Variants in GCSH observed in about 807,000 individuals in gnomAD.
GCSH encodes glycine cleavage system protein H, also known as glycine cleavage system H protein, mitochondrial.
GCSH carries 15 observed loss-of-function variants against 21.3 expected under a neutral mutation model. The observed-to-expected ratio is 0.70, with a 90% CI of 0.47 to 1.08. The LOEUF (loss-of-function observed/expected upper bound fraction) is 1.08, where lower values mean the gene tolerates loss of function less well. Ranked by LOEUF, GCSH falls within the 50% of genes least tolerant of loss-of-function variation. The pLI, the probability that GCSH is intolerant of heterozygous loss-of-function variation, is 0.00. For synonymous variants in GCSH, 59 were observed against 84.5 expected (o/e 0.70, Z 1.66); for missense variants, 179 against 217.5 (o/e 0.82, Z 1.11).
intron 3 of GCSH, 33 bp from the exon 4 acceptor site, chr16:81,084,627 A>G: frequency 6.5e-7 from 1 of 1,545,194 alleles, no homozygotes; most frequent in Non-Finnish European, 8.9e-7. Context: ...AAAACATGAA[A>G]TGTTAAAAGT....
chr16:81,096,246 G>T lies in GCSH; in HGVS notation c.33C>A (p.Ala11=). Residue 11 remains alanine (A), a synonymous_variant, in exon 1 of 5, where the codon GCC becomes GCA. Transcript: ENST00000315467. ...GGACCGCGCGCAGGGTGCAGAGCAG[G>T]GCCCGCACGCTCCGCACCACTCGCA... The part of the protein sequence containing the change: MALRVVRSVR[A]LLCTLRAVPS... 1 of 1,070,120 alleles carries T rather than the reference G, an allele frequency of 9.3e-7. No individual in the cohort carries two copies. The highest frequency in any genetic ancestry group is 4.0e-5 in the Admixed American group (1 of 25,104). The allele number at this position is 1,070,120 out of a possible 1,614,324, so 66.3% of individuals were successfully genotyped here. A position where few individuals can be genotyped will look rare whatever the true frequency, so the allele number is the denominator to read the frequency against.
Position 81,087,615 on chromosome 16 carries a change from T to A in GCSH, c.278A>T (p.Lys93Ile), listed in dbSNP as rs1972309403. 6.2e-7 allele frequency: 1 copy of A among 1,610,156 alleles called. No homozygotes were observed. Among genetic ancestry groups the A allele is most frequent in the Admixed American group, 1.7e-5 (1 of 59,996 alleles). ...VYCSLPEVGT[K>I]LNKQDEFGAL... The stretch of plus-strand genomic sequence containing the variant: ...AGAACACTCACCTTGTTTGTTCAAT[T>A]TTGTCCCAACTTCAGGGAGACTACA... The change falls in exon 3 of 5, where the codon AAA becomes ATA. Residue 93 changes from lysine (K) to isoleucine (I), a missense_variant. By Grantham distance (102) the Lys-to-Ile change is moderately radical (BLOSUM62 -3). Transcript: ENST00000315467.
intron 1 of GCSH, among the ~76,000 whole-genome samples, chr16:81,091,944 C>A (rs538382590): frequency 6.6e-6 from 1 of 152,182 alleles, no homozygotes; most frequent in East Asian, 1.9e-4. Context: ...ATATTGCTTT[C>A]TTTTCCCCTT....
chr16:81,094,353 C>CTT (rs553215632), intron 1 of GCSH, among the ~76,000 whole-genome samples: 1 of 148,600 alleles, frequency 6.7e-6, no homozygotes. Flanking sequence ...TTTTTCTTCT[C>CTT]TTTTTTTTTT....
chr16:81,084,123 G>A (rs375184214), intron 4 of GCSH: 2 of 416,384 alleles, frequency 4.8e-6, no homozygotes, highest in Non-Finnish European at 8.7e-6. Flanking sequence ...GAGACTACAG[G>A]CACATTCCAC....
chr16:81,088,377 C>G (rs764342568), intron 2 of GCSH, among the ~76,000 whole-genome samples: 1 of 152,172 alleles, frequency 6.6e-6, no homozygotes, highest in Non-Finnish European at 1.5e-5. Context: ...AGCCTCCTGC[C>G]CCACACAAGA....
intron 2 of GCSH, 115 bp downstream of exon 2, chr16:81,090,486 T>C: frequency 1.3e-6 from 1 of 756,248 alleles, no homozygotes; most frequent in East Asian, 2.6e-5. Context: ...CCTCCCAAAG[T>C]GTTGGGATTA....
Position 81,096,079 on chromosome 16 carries a change from C to G in GCSH, c.148+52G>C, listed in dbSNP as rs138217530. 697 of 1,225,424 alleles carry G rather than the reference C, an allele frequency of 5.7e-4. 1 individual carries two copies. The highest frequency in any genetic ancestry group is 7.7e-4 in the Admixed American group (18 of 23,490). The allele number at this position is 1,225,424 out of a possible 1,614,324, so 75.9% of individuals were successfully genotyped here. A position where few individuals can be genotyped will look rare whatever the true frequency, so the allele number is the denominator to read the frequency against. ...CCTCCGTGTCCCGCTGGGCCCGGGA[C>G]AAGCAGCCCAGGCGGGGAGGGAGCA... On this transcript the variant is annotated intron_variant, in intron 1 of 4. Transcript: ENST00000315467.
chr16:81,089,031 T>A (rs996928050), intron 2 of GCSH, among the ~76,000 whole-genome samples: 2 of 152,166 alleles, frequency 1.3e-5, no homozygotes, highest in South Asian at 4.1e-4. Context: ...CTGGGCCTCA[T>A]AGTAGGTATA....
At chr16:81,092,117 T>G (rs1972410000) in intron 1 of GCSH, among the ~76,000 whole-genome samples, 2 of 152,172 alleles carry the variant, frequency 1.3e-5, no homozygotes, top group Non-Finnish European at 2.9e-5. Flanking sequence ...GTGTTTTGAC[T>G]GAAAGACTCT....
chr16:81,085,742 C>A (rs559015220), intron 3 of GCSH, among the ~76,000 whole-genome samples: 1 of 152,282 alleles, frequency 6.6e-6, no homozygotes, highest in South Asian at 2.1e-4. Flanking sequence ...CGCCTATAAT[C>A]CCAGCTACTT....
intron 4 of GCSH, 178 bp from the exon 5 acceptor site, chr16:81,083,141 AT>A (rs1972202842): frequency 3.2e-6 from 2 of 628,108 alleles, no homozygotes; most frequent in African/African-American, 3.7e-5. Context: ...TATATAACAA[AT>A]GAAAATAATT....
In GCSH at chr16:81,087,649, C is replaced by G; in HGVS notation, c.244G>C (p.Val82Leu). 1 of 1,611,586 alleles carries G rather than the reference C, an allele frequency of 6.2e-7. No individual in the cohort carries two copies. Among genetic ancestry groups the G allele is most frequent in the Non-Finnish European group, 8.5e-7 (1 of 1,177,936 alleles). The change falls in exon 3 of 5, where the codon GTT (valine) becomes CTT (leucine). Residue 82 changes from valine to leucine, a missense_variant. Val to Leu is a conservative substitution (Grantham distance 32, BLOSUM62 1). Transcript: ENST00000315467. ...ACTTCAGGGAGACTACAATAAACAA[C>G]ATCTCCCAACGCTTCCTAAATAAAA... ...SNFAQEALGD[V>L]VYCSLPEVGT...
Position 81,082,251 on chromosome 16 carries a change from T to C in GCSH, c.*615A>G, listed in dbSNP as rs1972179647. On this transcript the variant is annotated 3_prime_UTR_variant, in exon 5 of 5. Transcript: ENST00000315467. ...TTTCCTTTTAAAAAGTAACTTTCCG[T>C]AAGTTAAAGTTAGCACTTTCACAAA... 2.2e-6 allele frequency: 1 copy of C among 452,592 alleles called. No individual in the cohort carries two copies. The allele number at this position is 452,592 out of a possible 1,614,324, so 28.0% of individuals were successfully genotyped here. A position where few individuals can be genotyped will look rare whatever the true frequency, so the allele number is the denominator to read the frequency against.
intron 4 of GCSH, chr16:81,084,061 C>T (rs1383341040): frequency 3.4e-6 from 1 of 296,588 alleles, no homozygotes; most frequent in East Asian, 7.8e-5. Context: ...TAGACTGCAG[C>T]CTTGACCTCC....
chr16:81,082,890 T>C lies in GCSH; in HGVS notation c.498A>G (p.Lys166=). ...TTCACTCCTCAATAGATTTTATGTATTTCTCATATGCTTCTTCACTCATAA... is the reference window on the plus strand; with the variant it reads ...TTCACTCCTCAATAGATTTTATGTACTTCTCATATGCTTCTTCACTCATAA... ...DELMSEEAYE[K]YIKSIEE The change falls in exon 5 of 5, where the codon AAA becomes AAG. Residue 166 remains lysine (K), a synonymous_variant. Transcript: ENST00000315467. 7.5e-7 allele frequency: 1 copy of C among 1,341,734 alleles called. No individual in the cohort carries two copies. The highest frequency in any genetic ancestry group is 1.1e-6 in the Non-Finnish European group (1 of 931,782). 83.1% of individuals were successfully genotyped at this position (1,341,734 alleles called of 1,614,324 possible).
rs746937065 is a variant in GCSH at position 81,082,963 on chromosome 16, C to A, written c.425G>T (p.Gly142Val). 1.9e-6 allele frequency: 3 copies of A among 1,574,498 alleles called. No homozygotes were observed. The highest frequency in any genetic ancestry group is 1.7e-5 in the Admixed American group (1 of 59,942). The change falls in exon 5 of 5, where the codon GGT becomes GTT. Residue 142 changes from glycine (G) to valine (V), a missense_variant and splice_region_variant. Physicochemically the swap from Gly to Val is moderately radical, Grantham distance 109. Transcript: ENST00000315467. The part of the protein sequence containing the change: ...GLVNKSCYED[G>V]WLIKMTLSNP... ...ACTCAGTGTCATCTTGATCAGCCAA[C>A]CTGCAACCAAAAGACAACCTTATAT...
At chr16:81,087,515 T>A in intron 3 of GCSH, 86 bp downstream of exon 3, 2 of 948,490 alleles carry the variant, frequency 2.1e-6, no homozygotes, top group Non-Finnish European at 3.3e-6. Flanking sequence ...AAAAGCACTC[T>A]AATTAATCCA....
chr16:81,091,990 T>C (rs542803801), intron 1 of GCSH, among the ~76,000 whole-genome samples: 2 of 152,274 alleles, frequency 1.3e-5, no homozygotes, highest in Non-Finnish European at 2.9e-5. Context: ...ACCCCTTCAG[T>C]GGAAGAAGTC....
Sources: allele counts gnomAD v4.1 joint callset (sites outside exome capture counted in the v4.1 genomes callset), GRCh38; gene constraint gnomAD v4.1.1; transcripts MANE v1.5; gene names NCBI Gene and HGNC (gene_info 2026-07-23, HGNC 2026-07-21).